Variants in FHIT observed in about 807,000 individuals in gnomAD.
FHIT encodes fragile histidine triad diadenosine triphosphatase.
A neutral mutation model predicts 17.9 loss-of-function variants in FHIT; 19 were observed. The observed-to-expected ratio is 1.06, with a 90% CI of 0.74 to 1.56. FHIT has a LOEUF of 1.56. Ranked by LOEUF, FHIT falls within the 40% of genes most tolerant of loss-of-function variation. FHIT has a pLI of 0.00. For missense variants in FHIT, 248 were observed against 189.2 expected (o/e 1.31, Z -1.82); for synonymous variants, 81 against 69.7 (o/e 1.16, Z -0.81).
intron 5 of FHIT, among the ~76,000 whole-genome samples, chr3:60,362,148 T>C (rs1462538888): frequency 6.6e-6 from 1 of 152,166 alleles, no homozygotes; most frequent in Non-Finnish European, 1.5e-5. Flanking sequence ...GATAGTGAAA[T>C]GGTTACTAAG....
intron 8 of FHIT, among the ~76,000 whole-genome samples, chr3:59,902,178 T>A (rs1704359612): frequency 6.6e-6 from 1 of 152,020 alleles, no homozygotes; most frequent in African/African-American, 2.4e-5. Context: ...GACATACAAA[T>A]AGCCAACAGG....
intron 5 of FHIT, among the ~76,000 whole-genome samples, chr3:60,077,214 G>A (rs1238999032): frequency 2.0e-5 from 3 of 152,042 alleles, no homozygotes; most frequent in African/African-American, 7.2e-5. Context: ...AAGCATCACC[G>A]TGAATTCATA....
chr3:60,434,807 A>G (rs2030062500), intron 5 of FHIT, among the ~76,000 whole-genome samples: 2 of 152,226 alleles, frequency 1.3e-5, no homozygotes, highest in Non-Finnish European at 2.9e-5. Flanking sequence ...TTAAATTAAA[A>G]TATCTCTTTC....
chr3:60,795,410 A>G (rs1264473645), intron 4 of FHIT, among the ~76,000 whole-genome samples: 2 of 152,124 alleles, frequency 1.3e-5, no homozygotes, highest in Non-Finnish European at 2.9e-5. Context: ...TTTAAAAAAT[A>G]CATTCCTTGA....
chr3:59,818,407 C>A (rs1417637036), intron 8 of FHIT, among the ~76,000 whole-genome samples: 1 of 152,082 alleles, frequency 6.6e-6, no homozygotes, highest in Non-Finnish European at 1.5e-5. Context: ...CTACCTTTCG[C>A]AGAGACTGCT....
intron 2 of FHIT, among the ~76,000 whole-genome samples, chr3:61,156,321 T>G (rs150129749): frequency 6.6e-6 from 1 of 152,316 alleles, no homozygotes; most frequent in African/African-American, 2.4e-5. Context: ...TACCATTTTT[T>G]AAGTCTACTT....
chr3:60,663,475 G>T (rs1427663528), intron 4 of FHIT, among the ~76,000 whole-genome samples: 2 of 151,526 alleles, frequency 1.3e-5, no homozygotes, highest in Non-Finnish European at 2.9e-5. Flanking sequence ...CACTCTTGTT[G>T]CCCAGGCTGG....
intron 5 of FHIT, among the ~76,000 whole-genome samples, chr3:60,091,009 G>A (rs1703708556): frequency 6.6e-6 from 1 of 152,186 alleles, no homozygotes; most frequent in Non-Finnish European, 1.5e-5. Flanking sequence ...TGTTCAGACT[G>A]ACAACTAGGA....
chr3:60,526,353 G>A (rs531304467), intron 5 of FHIT, among the ~76,000 whole-genome samples: 5 of 152,082 alleles, frequency 3.3e-5, no homozygotes, highest in Middle Eastern at 3.4e-3. Flanking sequence ...TAGGTCTGCC[G>A]GTGTTCCATG....
chr3:60,958,787 C>G (rs1235723946), intron 3 of FHIT, among the ~76,000 whole-genome samples: 1 of 152,202 alleles, frequency 6.6e-6, no homozygotes, highest in Non-Finnish European at 1.5e-5. Context: ...AATGTTTTAT[C>G]TTGAACAGAG....
At chr3:60,160,263 C>T (rs1222081497) in intron 5 of FHIT, among the ~76,000 whole-genome samples, 1 of 151,922 alleles carries the variant, frequency 6.6e-6, no homozygotes, top group East Asian at 1.9e-4. Context: ...TTAGAGATTC[C>T]GAAGTGATGA....
intron 4 of FHIT, chr3:60,553,317 C>G (rs1246696596): frequency 1.4e-6 from 1 of 703,562 alleles, no homozygotes; most frequent in African/African-American, 1.9e-5. Flanking sequence ...GTTGTAGTTT[C>G]TAAGAAACCT....
intron 2 of FHIT, among the ~76,000 whole-genome samples, chr3:61,064,388 A>G (rs1167777792): frequency 6.6e-6 from 1 of 152,160 alleles, no homozygotes; most frequent in East Asian, 1.9e-4. Context: ...TACACCGCCA[A>G]TGGTGGAATG....
Position 60,623,958 on chromosome 3 carries a change from G to A in FHIT, c.-17-86979C>T, listed in dbSNP as rs566799484. ...ATACAACGAGTAAAACATAGTGTTTGCTTTTGAAAAATTCTACAATACATG... is the reference window on the plus strand; with the variant it reads ...ATACAACGAGTAAAACATAGTGTTTACTTTTGAAAAATTCTACAATACATG... On this transcript the variant is annotated intron_variant, in intron 4 of 9. Transcript: ENST00000492590. 3.3e-5 allele frequency among the ~76,000 whole-genome samples: 5 copies of A among 152,276 alleles called. 1 individual carries two copies. In the South Asian group the frequency reaches 8.3e-4, roughly 25 times the overall value.
intron 4 of FHIT, among the ~76,000 whole-genome samples, chr3:60,669,827 G>A (rs1198776527): frequency 6.6e-6 from 1 of 152,154 alleles, no homozygotes; most frequent in Non-Finnish European, 1.5e-5. Flanking sequence ...GAGACCCTGG[G>A]CAATTGAGTT....
chr3:61,089,098 T>G (rs960856652), intron 2 of FHIT, among the ~76,000 whole-genome samples: 6 of 152,264 alleles, frequency 3.9e-5, no homozygotes, highest in East Asian at 1.9e-4. Context: ...TACTCAGACT[T>G]TTTTTGAGCA....
chr3:59,822,239 A>G (rs1700819074), intron 8 of FHIT, among the ~76,000 whole-genome samples: 1 of 152,164 alleles, frequency 6.6e-6, no homozygotes, highest in South Asian at 2.1e-4. Flanking sequence ...GCAATTGTGA[A>G]TTGTGCTGCT....
chr3:60,488,565 G>C (rs573714985), intron 5 of FHIT, among the ~76,000 whole-genome samples: 1 of 152,168 alleles, frequency 6.6e-6, no homozygotes, highest in East Asian at 1.9e-4. Flanking sequence ...GAAAGGTCTG[G>C]GGGCCATGAG....
chr3:61,053,424 C>T lies in FHIT; in HGVS notation c.-163-11325G>A, dbSNP rs371366998. Among the ~76,000 whole-genome samples, 61 of 151,954 alleles carry T rather than the reference C, an allele frequency of 4.0e-4. No individual in the cohort carries two copies. In the East Asian group the frequency reaches 8.9e-3, roughly 22 times the overall value. On this transcript the variant is annotated intron_variant, in intron 2 of 9. Transcript: ENST00000492590. ...CTGTAATCCCAACACTTTGGGAGGC[C>T]GAGGCAGGTGGATCACCTGAGGTCA...
Sources: gnomAD v4.1 joint callset for allele counts (sites outside exome capture counted in the v4.1 genomes callset) on GRCh38, gnomAD v4.1.1 for gene constraint, MANE v1.5 for transcripts, NCBI Gene and HGNC (gene_info 2026-07-23, HGNC 2026-07-21) for gene names.